SPTBN4: variants seen among roughly 807,000 people sequenced by gnomAD.
SPTBN4 encodes spectrin beta, non-erythrocytic 4.
A neutral mutation model predicts 277.8 loss-of-function variants in SPTBN4; 96 were observed. The observed-to-expected ratio is 0.35, with a 90% CI of 0.29 to 0.41. The LOEUF (loss-of-function observed/expected upper bound fraction) is 0.41. Among genes scored for constraint, SPTBN4 ranks in the 10% least tolerant of loss-of-function variants. The pLI is 1.00. For synonymous variants in SPTBN4, 1,481 were observed against 1,580.3 expected, an observed-to-expected ratio of 0.94 and a Z score of 1.49; for missense variants, 3,006 against 3,595.7, an observed-to-expected ratio of 0.84 and a Z score of 4.19.
intron 2 of SPTBN4, among the ~76,000 whole-genome samples, chr19:40,474,771 A>C (rs1422220003): frequency 6.6e-6 from 1 of 152,076 alleles, no homozygotes; most frequent in Non-Finnish European, 1.5e-5. Context: ...GGGCACCTGT[A>C]ATCTCAGCTA....
intron 7 of SPTBN4, among the ~76,000 whole-genome samples, chr19:40,499,593 C>T (rs975038107): frequency 1.3e-5 from 2 of 151,432 alleles, no homozygotes; most frequent in East Asian, 2.0e-4. Context: ...GGTGGGGTCT[C>T]GCTATGTTGC....
chr19:40,490,011 G>A lies in SPTBN4; in HGVS notation c.322-64G>A. 6.8e-7 allele frequency: 1 copy of A among 1,470,962 alleles called. No individual in the cohort carries two copies. Among genetic ancestry groups the A allele is most frequent in the Non-Finnish European group, 9.0e-7 (1 of 1,107,582 alleles). The allele number at this position is 1,470,962 out of a possible 1,614,324, so 91.1% of individuals were successfully genotyped here. On this transcript the variant is annotated intron_variant, in intron 3 of 35. Coordinates refer to ENST00000598249, the MANE Select transcript of SPTBN4 (RefSeq NM_020971.3). This position sits in a 1 kb window ranked among gnomAD's most constrained non-coding sequence, Gnocchi z 4.3. ...AGGCGGGCTTCTTTGGAAGCTGCGG[G>A]GCCGAGGGCGCCATACTCCTGTCTG...
rs180781328 is a variant in SPTBN4 at position 40,478,444 on chromosome 19, C to T, written c.169+5654C>T. Among the ~76,000 whole-genome samples, 20 of 152,276 alleles carry T rather than the reference C, an allele frequency of 1.3e-4. No homozygotes were observed. In the East Asian group the frequency reaches 3.5e-3, roughly 26 times the overall value. ...ACTCTGGAGGCTGAGGCAGGAGGAT[C>T]GCTTGAGCCCAGGAATTGAAGGCAG... On this transcript the variant is annotated intron_variant, in intron 2 of 35. Coordinates refer to ENST00000598249, the MANE Select transcript of SPTBN4 (RefSeq NM_020971.3).
At chr19:40,572,853 G>T (rs1224747855) in intron 35 of SPTBN4, among the ~76,000 whole-genome samples, 2 of 152,202 alleles carry the variant, frequency 1.3e-5, no homozygotes, top group African/African-American at 4.8e-5. Context: ...CAGCTACTTG[G>T]GAGGCAGAGG....
intron 3 of SPTBN4, among the ~76,000 whole-genome samples, chr19:40,489,144 G>A (rs2080106791): frequency 6.7e-6 from 1 of 149,464 alleles, no homozygotes; most frequent in African/African-American, 2.5e-5. Flanking sequence ...GCTGCAGTGA[G>A]TCAAGATCGC....
chr19:40,568,353 C>T, intron 31 of SPTBN4, 71 bp downstream of exon 31: 7 of 1,473,076 alleles, frequency 4.8e-6, no homozygotes, highest in Non-Finnish European at 6.3e-6. Context: ...CCCCTCAGGC[C>T]CAGTGAAAGG....
chr19:40,547,726 C>G (rs1197055441), intron 20 of SPTBN4, among the ~76,000 whole-genome samples: 1 of 152,194 alleles, frequency 6.6e-6, no homozygotes, highest in Non-Finnish European at 1.5e-5. Context: ...GCTATTCTAA[C>G]TGGTGTGAGA....
At chr19:40,476,777 T>G (rs964502608) in intron 2 of SPTBN4, among the ~76,000 whole-genome samples, 30 of 151,964 alleles carry the variant, frequency 2.0e-4, no homozygotes, top group African/African-American at 6.5e-4. Context: ...TTAGCAGAGA[T>G]GGGGTTTCAC....
intron 18 of SPTBN4, chr19:40,530,448 G>A (rs2080652101): frequency 1.0e-6 from 1 of 962,832 alleles, no homozygotes; most frequent in Non-Finnish European, 1.2e-6. Flanking sequence ...GCGGGCGCGC[G>A]GCCGCCGCGC....
In SPTBN4 at chr19:40,565,547, G is replaced by A. The variant is rs763621660; in HGVS notation, c.6040G>A (p.Ala2014Thr). 2 of 1,613,962 alleles carry A rather than the reference G, an allele frequency of 1.2e-6. No homozygotes were observed. The highest frequency in any genetic ancestry group is 8.5e-7 in the Non-Finnish European group (1 of 1,179,900). ...GCGATCTCTGCTGCTCAACAAAAGT[G>A]CCATGGCTGATGAGGTGGGGAGCAG... ...LGRSLLLNKS[A>T]MADEIQAQLD... Residue 2014 changes from alanine to threonine, a missense_variant, in exon 28 of 36, where the codon GCC (alanine) becomes ACC (threonine). Physicochemically the swap from Ala to Thr is moderately conservative, Grantham distance 58. Coordinates refer to ENST00000598249, the MANE Select transcript of SPTBN4 (RefSeq NM_020971.3).
At chr19:40,564,090 C>T (rs10409960) in intron 27 of SPTBN4, among the ~76,000 whole-genome samples, 1 of 151,392 alleles carries the variant, frequency 6.6e-6, no homozygotes, top group Admixed American at 6.6e-5. Flanking sequence ...TGCGGTGGCT[C>T]ACGCCTGTAA....
intron 2 of SPTBN4, among the ~76,000 whole-genome samples, chr19:40,483,467 A>C (rs976356279): frequency 5.3e-5 from 8 of 152,334 alleles, no homozygotes; most frequent in African/African-American, 1.9e-4. Context: ...TTCTTACTCT[A>C]GCAGTAGAAA....
rs1429153566 is a variant in SPTBN4, at chr19:40,554,527, C to T, written c.4965C>T (p.Ser1655=). Residue 1655 remains serine, a synonymous_variant, in exon 24 of 36, where the codon AGC becomes AGT. Coordinates refer to ENST00000598249, the MANE Select transcript of SPTBN4 (RefSeq NM_020971.3). This position sits in a 1 kb window ranked among gnomAD's most constrained non-coding sequence, Gnocchi z 5.7. The part of the protein sequence containing the change: ...MSEDKGKDEQ[S]TLQLLKKHLQ... ...CTTTGTGCCCCCAGGACGAACAGAGCACCCTGCAGCTGCTCAAGAAACACC... is the reference window on the plus strand; with the variant it reads ...CTTTGTGCCCCCAGGACGAACAGAGTACCCTGCAGCTGCTCAAGAAACACC... The T allele has an allele frequency of 2.0e-6, 3 of 1,480,944 alleles. No individual in the cohort carries two copies. The highest frequency in any genetic ancestry group is 2.7e-6 in the Non-Finnish European group (3 of 1,111,942). The allele number at this position is 1,480,944 out of a possible 1,614,324, so 91.7% of individuals were successfully genotyped here.
intron 26 of SPTBN4, among the ~76,000 whole-genome samples, chr19:40,559,702 C>T (rs898649668): frequency 1.3e-5 from 2 of 152,152 alleles, no homozygotes; most frequent in African/African-American, 4.8e-5. Context: ...AGAGCTCATA[C>T]AGCAGAATGA....
At chr19:40,494,615 G>A (rs886561300) in intron 5 of SPTBN4, among the ~76,000 whole-genome samples, 9 of 148,648 alleles carry the variant, frequency 6.1e-5, no homozygotes, top group Non-Finnish European at 1.3e-4. Context: ...TCTATTATCT[G>A]TCTATCATCT....
Position 40,567,808 on chromosome 19 carries a change from C to T in SPTBN4, c.6482C>T (p.Ala2161Val), listed in dbSNP as rs1343258189. ...GGYERGLEPL[A>V]RRASDTLSAE... ...TATGAAAGGGGCTTGGAGCCCCTGG[C>T]CCGCCGAGCCTCGGACACGCTCTCG... Residue 2161 changes from alanine (A) to valine (V), a missense_variant, in exon 31 of 36, where the codon GCC (alanine) becomes GTC (valine). Ala to Val is a moderately conservative substitution (Grantham distance 64, BLOSUM62 0). This residue lies in a region of SPTBN4 where 630 missense variants were observed against 677.6 expected (regional missense o/e 0.93). Transcript: ENST00000598249. 6.6e-7 allele frequency: 1 copy of T among 1,512,846 alleles called. No homozygotes were observed. The allele number at this position is 1,512,846 out of a possible 1,614,324, so 93.7% of individuals were successfully genotyped here.
In SPTBN4 at chr19:40,487,686, C is replaced by G; in HGVS notation, c.170-11C>G. ...GAAGCGCCTGGGGGCTCATCAGGGC[C>G]TCTCCTCCAGATGAGCGGGAAGCCG... is the stretch of plus-strand genomic sequence containing the variant. On this transcript the variant is annotated splice_polypyrimidine_tract_variant and intron_variant, in intron 2 of 35. Coordinates refer to ENST00000598249, the MANE Select transcript of SPTBN4 (RefSeq NM_020971.3). 2 of 1,607,460 alleles carry G rather than the reference C, an allele frequency of 1.2e-6. No individual in the cohort carries two copies. Among genetic ancestry groups the G allele is most frequent in the South Asian group, 2.2e-5 (2 of 90,042 alleles).
chr19:40,493,144 C>A, intron 5 of SPTBN4, 90 bp downstream of exon 5: 2 of 1,225,250 alleles, frequency 1.6e-6, no homozygotes, highest in Non-Finnish European at 2.4e-6. Context: ...CAAGGGGCAG[C>A]CCATGTCCTC....
rs774593051 is a variant in SPTBN4, at chr19:40,557,209, C to T, written c.5476C>T (p.Arg1826Trp). 6.2e-6 allele frequency: 10 copies of T among 1,610,562 alleles called. No homozygotes were observed. Among genetic ancestry groups the T allele is most frequent in the South Asian group, 1.1e-5 (1 of 90,856 alleles). Residue 1826 changes from arginine to tryptophan, a missense_variant, in exon 26 of 36, where the codon CGG becomes TGG. By Grantham distance (101) the Arg-to-Trp change is moderately radical. Transcript: ENST00000598249. ...WAELLELMGT[R>W]AQLLAASREL... is the part of the protein sequence containing the mutation. ...TGAGCTGCTGGAGCTCATGGGCACA[C>T]GGGCCCAGCTGCTGGCCGCCTCTCG...
Sources: gnomAD v4.1 joint callset for allele counts (sites outside exome capture counted in the v4.1 genomes callset) on GRCh38, gnomAD v4.1.1 for gene constraint, gnomAD v4.1.1 regional missense constraint, Gnocchi (gnomAD v3.1) non-coding constraint, MANE v1.5 for transcripts, NCBI Gene and HGNC (gene_info 2026-07-23, HGNC 2026-07-21) for gene names.